Variants in MAPK10 observed in about 807,000 individuals in gnomAD.
MAPK10 encodes JNK3 alpha protein kinase.
A neutral mutation model predicts 59.3 loss-of-function variants in MAPK10; 25 were observed. The observed-to-expected ratio is 0.42, with a 90% confidence interval of 0.31 to 0.59. The LOEUF is 0.59. Among genes scored for constraint, MAPK10 ranks in the 20% least tolerant of loss-of-function variants. MAPK10 has a pLI of 0.15. For synonymous variants in MAPK10, 190 were observed against 200.5 expected (o/e 0.95, Z 0.44); for missense variants, 351 against 568.9 (o/e 0.62, Z 3.90).
intron 1 of MAPK10, among the ~76,000 whole-genome samples, chr4:86,467,208 G>A (rs926998244): frequency 2.0e-5 from 3 of 152,208 alleles, no homozygotes; most frequent in African/African-American, 7.2e-5. Flanking sequence ...GGCCCCAACA[G>A]ACCAAACCAA....
In MAPK10 at chr4:86,017,236, A is replaced by C; in HGVS notation, c.1387T>G (p.Cys463Gly). ...LEASAGPLGC[C>G]R Reference sequence around the variant, plus strand: ...CGCAGGCAGGCGGCTAGTCACCTGCAACAACCCAGGGGTCCTGCCGAGGCT... The same window carrying C: ...CGCAGGCAGGCGGCTAGTCACCTGCCACAACCCAGGGGTCCTGCCGAGGCT... Residue 463 changes from cysteine (C) to glycine (G), a missense_variant, in exon 14 of 14, where the codon TGC (cysteine) becomes GGC (glycine). By Grantham distance (159) the Cys-to-Gly change is radical. Around this residue, in one of 5 missense-constraint regions of MAPK10, gnomAD observed 155 missense variants for 204.2 expected, o/e 0.76. Transcript: ENST00000641462. The surrounding 1 kb of genome is among the most constrained non-coding windows in gnomAD (Gnocchi z 4.4). 6.2e-7 allele frequency: 1 copy of C among 1,613,998 alleles called. No homozygotes were observed. Among genetic ancestry groups the C allele is most frequent in the Non-Finnish European group, 8.5e-7 (1 of 1,179,958 alleles).
At chr4:86,491,737 T>G (rs1754468730) in intron 1 of MAPK10, among the ~76,000 whole-genome samples, 1 of 152,254 alleles carries the variant, frequency 6.6e-6, no homozygotes, top group South Asian at 2.1e-4. Context: ...AAACAAGTGT[T>G]TGTTAGTTGT....
At chr4:86,292,722 A>G (rs932141648) in intron 2 of MAPK10, among the ~76,000 whole-genome samples, 4 of 152,126 alleles carry the variant, frequency 2.6e-5, no homozygotes, top group African/African-American at 9.7e-5. Context: ...TGTTTCTAAA[A>G]CAAAACAAAC....
intron 8 of MAPK10, 131 bp downstream of exon 8, chr4:86,100,921 C>A (rs1022700850): frequency 4.2e-6 from 3 of 706,964 alleles, no homozygotes; most frequent in Admixed American, 5.6e-5. Context: ...TTAAAAAAAA[C>A]CCTGAATATG....
At chr4:86,112,551 T>C (rs1295392978) in intron 4 of MAPK10, among the ~76,000 whole-genome samples, 4 of 152,240 alleles carry the variant, frequency 2.6e-5, no homozygotes, top group Admixed American at 1.3e-4. Flanking sequence ...TCTTGAGTTC[T>C]ACTTTGATTG....
In MAPK10 at chr4:86,017,235, C is replaced by T. The variant is rs1466995056; in HGVS notation, c.1388G>A (p.Cys463Tyr). ...TCGCAGGCAGGCGGCTAGTCACCTG[C>T]AACAACCCAGGGGTCCTGCCGAGGC... is the stretch of plus-strand genomic sequence containing the variant. ...LEASAGPLGC[C>Y]R The change falls in exon 14 of 14, where the codon TGC becomes TAC. Residue 463 changes from cysteine to tyrosine, a missense_variant. Around this residue, in one of 5 missense-constraint regions of MAPK10, gnomAD observed 155 missense variants for 204.2 expected, o/e 0.76. Coordinates refer to ENST00000641462, the MANE Select transcript of MAPK10 (RefSeq NM_138982.4). The surrounding 1 kb of genome is among the most constrained non-coding windows in gnomAD (Gnocchi z 4.4). 1.2e-6 allele frequency: 2 copies of T among 1,613,742 alleles called. No individual in the cohort carries two copies. Among genetic ancestry groups the T allele is most frequent in the African/African-American group, 1.3e-5 (1 of 74,908 alleles).
rs1743889257 is a variant in MAPK10 at position 86,017,523 on chromosome 4, A to G, written c.1253-153T>C. 1 of 722,458 alleles carries G rather than the reference A, an allele frequency of 1.4e-6. No individual in the cohort carries two copies. Among genetic ancestry groups the G allele is most frequent in the Non-Finnish European group, 2.3e-6 (1 of 429,810 alleles). 44.8% of individuals were successfully genotyped at this position (722,458 alleles called of 1,614,324 possible). On this transcript the variant is annotated intron_variant, in intron 13 of 13. Coordinates refer to ENST00000641462, the MANE Select transcript of MAPK10 (RefSeq NM_138982.4). The surrounding 1 kb of genome is among the most constrained non-coding windows in gnomAD (Gnocchi z 4.4). ...TATAGAGCAGCTGACATAGGGGAGC[A>G]TATCAAATGGTGACAATCAAGACAT... is the stretch of plus-strand genomic sequence containing the variant.
chr4:86,083,615 T>G (rs910094704), intron 9 of MAPK10, among the ~76,000 whole-genome samples: 2 of 152,120 alleles, frequency 1.3e-5, no homozygotes, highest in African/African-American at 4.8e-5. Context: ...GGTCACTGCC[T>G]TTCTAGGTCA....
chr4:86,098,662 T>G, intron 8 of MAPK10, 67 bp from the exon 9 acceptor site: 1 of 1,257,252 alleles, frequency 8.0e-7, no homozygotes, highest in South Asian at 1.2e-5. Flanking sequence ...ATAATTGACT[T>G]CTGAAGGAGG....
intron 10 of MAPK10, chr4:86,064,639 C>T (rs1169646893): frequency 2.2e-6 from 1 of 449,822 alleles, no homozygotes; most frequent in Non-Finnish European, 4.0e-6. Flanking sequence ...ACGCAAACTT[C>T]TTAGTAAAAT....
intron 2 of MAPK10, among the ~76,000 whole-genome samples, chr4:86,197,501 G>A (rs1382635424): frequency 6.6e-6 from 1 of 152,128 alleles, no homozygotes; most frequent in Non-Finnish European, 1.5e-5. Flanking sequence ...CATGTCATCT[G>A]CAAACACAGA....
intron 1 of MAPK10, among the ~76,000 whole-genome samples, chr4:86,570,057 G>A (rs562144148): frequency 6.6e-6 from 1 of 152,276 alleles, no homozygotes; most frequent in African/African-American, 2.4e-5. Context: ...AGATAACCAA[G>A]ACTCAAATAT....
At chr4:86,077,202 A>G (rs13142206) in intron 9 of MAPK10, among the ~76,000 whole-genome samples, 5,046 of 152,294 alleles carry the variant, frequency 0.033, 131 homozygotes, top group Non-Finnish European at 0.055. Context: ...GTATTATAAT[A>G]GAATAAAACA....
chr4:86,566,174 A>T (rs1761046536), intron 1 of MAPK10, among the ~76,000 whole-genome samples: 1 of 152,058 alleles, frequency 6.6e-6, no homozygotes, highest in Admixed American at 6.6e-5. Context: ...CCATCCATTC[A>T]CTTGGTATAC....
intron 2 of MAPK10, among the ~76,000 whole-genome samples, chr4:86,234,838 C>G (rs551836502): frequency 1.3e-5 from 2 of 152,018 alleles, no homozygotes; most frequent in African/African-American, 2.4e-5. Flanking sequence ...CCTCTAAGAC[C>G]CTTTCGGGAA....
At chr4:86,367,801 C>G (rs1271842363) in intron 1 of MAPK10, among the ~76,000 whole-genome samples, 5 of 151,864 alleles carry the variant, frequency 3.3e-5, no homozygotes, top group Admixed American at 3.3e-4. Context: ...GTTTCTTGAC[C>G]TTGCTGCAGG....
At chr4:86,491,241 C>A (rs1365391022) in intron 1 of MAPK10, among the ~76,000 whole-genome samples, 2 of 152,172 alleles carry the variant, frequency 1.3e-5, no homozygotes, top group Non-Finnish European at 2.9e-5. Flanking sequence ...ACAAAATTGA[C>A]TTTGCACACA....
chr4:86,207,578 C>G (rs374813136), intron 2 of MAPK10, among the ~76,000 whole-genome samples: 121 of 152,072 alleles, frequency 8.0e-4, no homozygotes, highest in East Asian at 4.7e-3. Context: ...TTCCAATTCT[C>G]TGAAGAAAGT....
intron 1 of MAPK10, among the ~76,000 whole-genome samples, chr4:86,420,739 A>G (rs541550469): frequency 1.3e-5 from 2 of 152,252 alleles, no homozygotes; most frequent in Non-Finnish European, 2.9e-5. Flanking sequence ...CAGTGAGTCG[A>G]GATCACGCCA....
Sources: gnomAD v4.1 joint callset for allele counts (sites outside exome capture counted in the v4.1 genomes callset) on GRCh38, gnomAD v4.1.1 for gene constraint, gnomAD v4.1.1 regional missense constraint, Gnocchi (gnomAD v3.1) non-coding constraint, MANE v1.5 for transcripts, NCBI Gene and HGNC (gene_info 2026-07-23, HGNC 2026-07-21) for gene names.